PIK3CB: variants seen among roughly 807,000 people sequenced by gnomAD.
PIK3CB encodes phosphatidylinositol-4,5-bisphosphate 3-kinase catalytic subunit beta, also known as phosphatidylinositol 4,5-bisphosphate 3-kinase catalytic subunit beta isoform.
Under a neutral mutation model 136.8 loss-of-function variants are expected in PIK3CB, and 39 were observed. That is an observed-to-expected ratio of 0.29 (90% CI 0.22 to 0.37). The LOEUF (loss-of-function observed/expected upper bound fraction) is 0.37. Ranked by LOEUF, PIK3CB falls within the 10% of genes least tolerant of loss-of-function variation. PIK3CB has a pLI of 1.00. For missense variants in PIK3CB, 868 were observed against 1,275.4 expected (o/e 0.68, Z 4.87); for synonymous variants, 428 against 436.6 (o/e 0.98, Z 0.25).
intron 2 of PIK3CB, among the ~76,000 whole-genome samples, chr3:138,790,424 GA>G (rs1018782651): frequency 6.8e-6 from 1 of 148,120 alleles, no homozygotes; most frequent in Non-Finnish European, 1.5e-5. Context: ...GCCAGCCTGA[GA>G]AACAGGGCAA....
chr3:138,758,857 C>G (rs2108732679), intron 3 of PIK3CB, among the ~76,000 whole-genome samples: 1 of 152,038 alleles, frequency 6.6e-6, no homozygotes, highest in South Asian at 2.1e-4. Flanking sequence ...TCTTTCTTCC[C>G]CCAAGAGTCA....
In PIK3CB at chr3:138,680,732, T is replaced by C. The variant is rs550385230; in HGVS notation, c.2504+1235A>G. ...AGACAAAGTTTCGCTCTTGTTGCCC[T>C]GACTGGAATGCAGTGGCATGATCTC... On this transcript the variant is annotated intron_variant, in intron 19 of 23. Coordinates refer to ENST00000674063, the MANE Select transcript of PIK3CB (RefSeq NM_006219.3). 3.7e-3 allele frequency among the ~76,000 whole-genome samples: 563 copies of C among 152,052 alleles called. 5 individuals are homozygous for C. The highest frequency in any genetic ancestry group is 6.0e-3 in the Admixed American group (92 of 15,246).
At chr3:138,728,464 A>G (rs1189699340) in intron 8 of PIK3CB, among the ~76,000 whole-genome samples, 1 of 152,150 alleles carries the variant, frequency 6.6e-6, no homozygotes, top group Non-Finnish European at 1.5e-5. Flanking sequence ...TCAGAAAAGT[A>G]AGGTTGGTTT....
chr3:138,782,364 G>A (rs760903189), intron 2 of PIK3CB, among the ~76,000 whole-genome samples: 8 of 152,344 alleles, frequency 5.3e-5, no homozygotes, highest in Non-Finnish European at 1.0e-4. Context: ...CAAGGCGAAT[G>A]AAGAAACGAT....
intron 2 of PIK3CB, among the ~76,000 whole-genome samples, chr3:138,773,618 T>C (rs1248673485): frequency 1.3e-5 from 2 of 152,184 alleles, no homozygotes; most frequent in Admixed American, 1.3e-4. Context: ...GAAAAAAAAT[T>C]TAAAAATTAA....
intron 1 of PIK3CB, among the ~76,000 whole-genome samples, chr3:138,831,918 AAAAC>A (rs1056566255): frequency 7.2e-5 from 11 of 152,138 alleles, no homozygotes; most frequent in South Asian, 2.1e-4. Flanking sequence ...ACTCCATCTC[AAAAC>A]AAACAAACAA....
At chr3:138,741,700 C>T (rs535898045) in intron 5 of PIK3CB, among the ~76,000 whole-genome samples, 6 of 152,100 alleles carry the variant, frequency 3.9e-5, no homozygotes, top group South Asian at 2.1e-4. Flanking sequence ...TGATGGCAGG[C>T]GCCTGTAATT....
At chr3:138,732,185 G>A (rs2044991947) in intron 8 of PIK3CB, among the ~76,000 whole-genome samples, 1 of 152,070 alleles carries the variant, frequency 6.6e-6, no homozygotes, top group Non-Finnish European at 1.5e-5. Flanking sequence ...CTGAGGAGCG[G>A]TAAGAGTACC....
chr3:138,749,056 A>G (rs2045419349), intron 4 of PIK3CB, among the ~76,000 whole-genome samples: 1 of 152,304 alleles, frequency 6.6e-6, no homozygotes, highest in African/African-American at 2.4e-5. Context: ...GATTTCCTGG[A>G]TAGTTTTAGA....
intron 19 of PIK3CB, among the ~76,000 whole-genome samples, chr3:138,665,895 G>GTA (rs2043400230): frequency 5.9e-5 from 9 of 152,040 alleles, no homozygotes; most frequent in Admixed American, 5.9e-4. Context: ...ACATCAATGG[G>GTA]TTTTCATGCT....
At chr3:138,690,238 A>G (rs903954981) in intron 15 of PIK3CB, among the ~76,000 whole-genome samples, 1 of 151,966 alleles carries the variant, frequency 6.6e-6, no homozygotes, top group African/African-American at 2.4e-5. Context: ...AAAAGAAAAA[A>G]GAAGAAAAGA....
chr3:138,776,213 A>G (rs927175706), intron 2 of PIK3CB, among the ~76,000 whole-genome samples: 107 of 152,180 alleles, frequency 7.0e-4, no homozygotes, highest in Non-Finnish European at 1.0e-4. Flanking sequence ...AAAAAAAAGA[A>G]AGAAAGAAAA....
intron 2 of PIK3CB, among the ~76,000 whole-genome samples, chr3:138,792,575 CAGTTTAAATAT>C (rs1446038135): frequency 6.6e-6 from 1 of 152,038 alleles, no homozygotes; most frequent in Non-Finnish European, 1.5e-5. Flanking sequence ...AGCTTGCATA[CAGTTTAAATAT>C]TAAAAAGAGT....
At chr3:138,710,437 A>G (rs2044473574) in intron 10 of PIK3CB, among the ~76,000 whole-genome samples, 1 of 152,202 alleles carries the variant, frequency 6.6e-6, no homozygotes, top group African/African-American at 2.4e-5. Context: ...CCATGAATTA[A>G]AAAATTCAAA....
At chr3:138,828,385 C>T (rs943109869) in intron 1 of PIK3CB, among the ~76,000 whole-genome samples, 1 of 151,560 alleles carries the variant, frequency 6.6e-6, no homozygotes, top group African/African-American at 2.4e-5. Context: ...CGGGTTTTCA[C>T]GGTGTTAGCC....
intron 13 of PIK3CB, among the ~76,000 whole-genome samples, chr3:138,697,177 A>T (rs181602722): frequency 6.6e-6 from 1 of 152,324 alleles, no homozygotes; most frequent in East Asian, 1.9e-4. Flanking sequence ...ACTCAGCACT[A>T]GACACTATCC....
At chr3:138,798,716 A>T (rs1000428887) in intron 1 of PIK3CB, among the ~76,000 whole-genome samples, 1 of 152,146 alleles carries the variant, frequency 6.6e-6, no homozygotes, top group Non-Finnish European at 1.5e-5. Context: ...GGGCCTAAAT[A>T]CTATCAACAC....
intron 8 of PIK3CB, among the ~76,000 whole-genome samples, chr3:138,728,009 G>A (rs1391942534): frequency 2.0e-5 from 3 of 151,786 alleles, no homozygotes; most frequent in Admixed American, 1.3e-4. Flanking sequence ...CGCCCGCCTC[G>A]GCCTGTTGGT....
chr3:138,747,470 T>C (rs147413832), intron 4 of PIK3CB, among the ~76,000 whole-genome samples: 2 of 152,250 alleles, frequency 1.3e-5, no homozygotes, highest in East Asian at 1.9e-4. Context: ...CTCACCACAA[T>C]AGCAACAGGA....
Sources: allele counts gnomAD v4.1 joint callset (sites outside exome capture counted in the v4.1 genomes callset), GRCh38; gene constraint gnomAD v4.1.1; transcripts MANE v1.5; gene names NCBI Gene and HGNC (gene_info 2026-07-23, HGNC 2026-07-21).